PCDH10: variants seen among roughly 807,000 people sequenced by gnomAD.
PCDH10 encodes protocadherin 10.
In PCDH10, 15 loss-of-function variants were observed where a neutral mutation model predicts 74.4. The observed-to-expected ratio is 0.20, with a 90% CI of 0.13 to 0.31. PCDH10 has a LOEUF of 0.31. Ranked by LOEUF, PCDH10 falls within the 10% of genes least tolerant of loss-of-function variation. PCDH10 has a pLI of 1.00. For synonymous variants in PCDH10, 619 were observed against 589.8 expected (o/e 1.05, Z -0.72); for missense variants, 1,260 against 1,390.2 (o/e 0.91, Z 1.49).
At chr4:133,196,938 G>T (rs897120066), downstream of PCDH10, among the ~76,000 whole-genome samples, 1 of 152,188 alleles carries the variant, frequency 6.6e-6, no homozygotes, top group African/African-American at 2.4e-5. Context: ...ACAAACAAAA[G>T]AAATTCTTTT....
rs148357904 is a variant in PCDH10, at chr4:133,152,186, C to T, written c.2046C>T (p.Ala682=). 13 of 1,574,060 alleles carry T rather than the reference C, an allele frequency of 8.3e-6. No homozygotes were observed. The highest frequency in any genetic ancestry group is 9.5e-6 in the Non-Finnish European group (11 of 1,160,792). The change falls in exon 1 of 5, where the codon GCC becomes GCT. Residue 682 remains alanine (A), a synonymous_variant. Coordinates refer to ENST00000264360, the MANE Select transcript of PCDH10 (RefSeq NM_032961.3). ...TGGTGGTTCAGCTGGTGGATGGCGC[C>T]GTGGAGCCCCAGGGCGGGGGCGGGA... ...ATLVVQLVDG[A]VEPQGGGGSG... is the part of the protein sequence containing the mutation.
At chr4:133,196,109 T>C (rs1467502873), downstream of PCDH10, among the ~76,000 whole-genome samples, 3 of 152,166 alleles carry the variant, frequency 2.0e-5, no homozygotes, top group Admixed American at 2.0e-4. Context: ...TAACACAGAC[T>C]TGTAACTGCC....
intron 4 of PCDH10, among the ~76,000 whole-genome samples, chr4:133,171,046 G>A (rs1560710494): frequency 6.6e-6 from 1 of 151,102 alleles, no homozygotes; most frequent in Non-Finnish European, 1.5e-5. Flanking sequence ...AAAAAACTAT[G>A]ACACTGTAGA....
intron 3 of PCDH10, among the ~76,000 whole-genome samples, chr4:133,161,060 A>G (rs1027588345): frequency 6.6e-6 from 1 of 152,066 alleles, no homozygotes; most frequent in African/African-American, 2.4e-5. Context: ...TTCTTGCAAA[A>G]TTAGGATAAA....
At chr4:133,196,771 CA>C (rs1181099471), downstream of PCDH10, among the ~76,000 whole-genome samples, 2 of 152,176 alleles carry the variant, frequency 1.3e-5, no homozygotes, top group Non-Finnish European at 2.9e-5. Flanking sequence ...AAGTTAAAAG[CA>C]AGATGGAGTT....
At position 133,171,800 on chromosome 4, in the gene PCDH10, A is replaced by G. The variant is rs188311682; in HGVS notation, c.3103+8518A>G. ...ATTCTTGTATATTATTTTCACCATT[A>G]ATAACCTAGTTCTGATTCCAGAATT... On this transcript the variant is annotated intron_variant, in intron 4 of 4. Coordinates refer to ENST00000264360, the MANE Select transcript of PCDH10 (RefSeq NM_032961.3). Among the ~76,000 whole-genome samples the G allele has an allele frequency of 3.3e-5, 5 of 152,214 alleles. No individual in the cohort carries two copies. The East Asian group carries it at 9.7e-4, about 29-fold the overall frequency.
chr4:133,151,856 TGCCATCGTG>T lies in PCDH10; in HGVS notation c.1719_1727del (p.Ile574_Ala576del). ...TAGTGGATCAAAATGACAACGCCCC[TGCCATCGTG>T]GCGCCTCTACCAGGGCGCAACGGGA... is the stretch of plus-strand genomic sequence containing the variant. On this transcript the variant is annotated inframe_deletion, in exon 1 of 5. Coordinates refer to ENST00000264360, the MANE Select transcript of PCDH10 (RefSeq NM_032961.3). The T allele has an allele frequency of 6.2e-7, 1 of 1,613,084 alleles. No individual in the cohort carries two copies. Among genetic ancestry groups the T allele is most frequent in the Non-Finnish European group, 8.5e-7 (1 of 1,180,024 alleles).
At chr4:133,168,758 A>G (rs1002082740) in intron 4 of PCDH10, among the ~76,000 whole-genome samples, 3 of 151,626 alleles carry the variant, frequency 2.0e-5, no homozygotes, top group Non-Finnish European at 4.4e-5. Context: ...AAATGAATTA[A>G]TGGGCATTTT....
rs1433476740 is a variant in PCDH10, at chr4:133,190,899, T to C, written c.*739T>C. 6.6e-6 allele frequency: 1 copy of C among 152,266 alleles called. No individual in the cohort carries two copies. The highest frequency in any genetic ancestry group is 1.5e-5 in the Non-Finnish European group (1 of 67,866). 9.4% of individuals were successfully genotyped at this position (152,266 alleles called of 1,614,324 possible). On this transcript the variant is annotated 3_prime_UTR_variant, in exon 5 of 5. Transcript: ENST00000264360. ...AAACTTACTAAGAAAAAATCATTAA[T>C]AGTTTTCTCCCAATTTCCATATCTT...
In PCDH10 at chr4:133,150,800, G is replaced by A; in HGVS notation, c.660G>A (p.Gly220=). The A allele has an allele frequency of 1.9e-6, 3 of 1,581,950 alleles. No individual in the cohort carries two copies. Among genetic ancestry groups the A allele is most frequent in the Non-Finnish European group, 2.6e-6 (3 of 1,165,248 alleles). The change falls in exon 1 of 5, where the codon GGG becomes GGA. Residue 220 remains glycine (G), a synonymous_variant. Coordinates refer to ENST00000264360, the MANE Select transcript of PCDH10 (RefSeq NM_032961.3). ...GGVGEGGGGG[G]GAGLPPQQQR... is the part of the protein sequence containing the mutation. Reference sequence around the variant, plus strand: ...TAGGAGAAGGAGGGGGAGGTGGCGGGGGAGCAGGCCTGCCCCCCCAGCAGC... The same window carrying A: ...TAGGAGAAGGAGGGGGAGGTGGCGGAGGAGCAGGCCTGCCCCCCCAGCAGC...
At chr4:133,202,132 A>T (rs1727919862) in intron 2 of PCDH10, among the ~76,000 whole-genome samples, 1 of 152,164 alleles carries the variant, frequency 6.6e-6, no homozygotes, top group Non-Finnish European at 1.5e-5. Context: ...TAGGCACTTG[A>T]CCAGGGTAAA....
intron 4 of PCDH10, among the ~76,000 whole-genome samples, chr4:133,177,656 T>C (rs1727323097): frequency 6.6e-6 from 1 of 152,172 alleles, no homozygotes; most frequent in Non-Finnish European, 1.5e-5. Flanking sequence ...AGTTCTTGCA[T>C]TTAATATTGC....
At chr4:133,155,067 T>G in intron 3 of PCDH10, 44 bp downstream of exon 3, 1 of 1,345,044 alleles carries the variant, frequency 7.4e-7, no homozygotes, top group Non-Finnish European at 1.1e-6. Flanking sequence ...CTTTTATAGT[T>G]TTTGTTTTTA....
chr4:133,172,406 A>G (rs187314053), intron 4 of PCDH10, among the ~76,000 whole-genome samples: 1 of 152,150 alleles, frequency 6.6e-6, no homozygotes, highest in African/African-American at 2.4e-5. Context: ...CTTTACAGGT[A>G]GCAGTTTTTT....
At chr4:133,178,219 TTTTTTTGTTTTG>T (rs891398793) in intron 4 of PCDH10, among the ~76,000 whole-genome samples, 9 of 151,970 alleles carry the variant, frequency 5.9e-5, no homozygotes, top group Non-Finnish European at 1.2e-4. Context: ...AGTGTGTGTT[TTTTTTTGTTTTG>T]TTTTTTGTTT....
chr4:133,166,619 A>T (rs562476195), intron 4 of PCDH10, among the ~76,000 whole-genome samples: 5 of 151,652 alleles, frequency 3.3e-5, no homozygotes, highest in African/African-American at 1.2e-4. Flanking sequence ...TAGTTAAAAC[A>T]CTTTAATATT....
intron 4 of PCDH10, among the ~76,000 whole-genome samples, chr4:133,189,403 TAAAC>T (rs1402991178): frequency 7.2e-5 from 11 of 152,078 alleles, no homozygotes; most frequent in South Asian, 4.1e-4. Context: ...TCATTACAAA[TAAAC>T]AAAATACTTA....
intron 2 of PCDH10, among the ~76,000 whole-genome samples, chr4:133,206,292 T>TAGCA (rs1328970861): frequency 1.3e-5 from 2 of 152,306 alleles, no homozygotes; most frequent in East Asian, 3.9e-4. Context: ...CTGTGCCTGC[T>TAGCA]ATTTCCTAAT....
rs760663750 is a variant in PCDH10, at chr4:133,163,296, A to T, written c.3103+14A>T. The T allele has an allele frequency of 2.5e-6, 4 of 1,587,232 alleles. No homozygotes were observed. Among genetic ancestry groups the T allele is most frequent in the East Asian group, 4.5e-5 (2 of 44,526 alleles). ...CACCATATTTGAGTAAGTATTACAC[A>T]AAGGGCTCTGTTAAAGTGTTCCCTT... On this transcript the variant is annotated intron_variant, in intron 4 of 4. Coordinates refer to ENST00000264360, the MANE Select transcript of PCDH10 (RefSeq NM_032961.3).
Sources: gnomAD v4.1 joint callset for allele counts (sites outside exome capture counted in the v4.1 genomes callset) on GRCh38, gnomAD v4.1.1 for gene constraint, MANE v1.5 for transcripts, NCBI Gene and HGNC (gene_info 2026-07-23, HGNC 2026-07-21) for gene names.